The following SIPA1L2 variants were observed in gnomAD, a reference collection of about 807,000 sequenced individuals.
SIPA1L2 encodes signal-induced proliferation-associated 1-like protein 2.
SIPA1L2 carries 56 observed loss-of-function variants against 163.9 expected under a neutral mutation model. That is an observed-to-expected ratio of 0.34 (90% CI 0.28 to 0.43). SIPA1L2 has a LOEUF of 0.43. Ranked by LOEUF, SIPA1L2 falls within the 20% of genes least tolerant of loss-of-function variation. The probability of loss-of-function intolerance (pLI) is 1.00; values close to 1 mark genes in which losing one functional copy is unlikely to be tolerated. For missense variants in SIPA1L2, 1,974 were observed against 2,193.5 expected, an observed-to-expected ratio of 0.90 and a Z score of 2.00; for synonymous variants, 877 against 865.7, an observed-to-expected ratio of 1.01 and a Z score of -0.23.
At position 232,415,519 on chromosome 1, in the gene SIPA1L2, G is replaced by A. The variant is rs202017607; in HGVS notation, c.4737C>T (p.Leu1579=). The A allele has an allele frequency of 7.4e-5, 120 of 1,612,410 alleles. No homozygotes were observed. Among genetic ancestry groups the A allele is most frequent in the Non-Finnish European group, 1.0e-4 (118 of 1,179,354 alleles). ...CTTCAAATGCCCGTGCAGCATCCAC[G>A]AGGTGGGTCCAATCTAACCCTGTGG... ...DTATGLDWTH[L]VDAARAFEGL... The change falls in exon 19 of 23, where the codon CTC becomes CTT. Residue 1579 remains leucine (L), a synonymous_variant. Transcript: ENST00000674635.
In SIPA1L2 at chr1:232,433,825, G is replaced by A. The variant is rs1013729390; in HGVS notation, c.4032-1354C>T. The stretch of plus-strand genomic sequence containing the variant: ...GCTTCACTTTCAGCAAACTTGACAC[G>A]TGAGTGCAATGCGAGGATTCCGGGT... On this transcript the variant is annotated intron_variant, in intron 15 of 22. Coordinates refer to ENST00000674635, the MANE Select transcript of SIPA1L2 (RefSeq NM_020808.5). Among the ~76,000 whole-genome samples the A allele has an allele frequency of 2.0e-5, 3 of 152,300 alleles. No individual in the cohort carries two copies. The South Asian group carries it at 6.2e-4, about 32-fold the overall frequency.
intron 1 of SIPA1L2, among the ~76,000 whole-genome samples, chr1:232,595,561 C>G (rs184807217): frequency 6.6e-6 from 1 of 152,270 alleles, no homozygotes; most frequent in Admixed American, 6.5e-5. Context: ...CCCCCCAGCA[C>G]ACTAATCTCA....
At position 232,514,908 on chromosome 1, in the gene SIPA1L2, G is replaced by A; in HGVS notation, c.432C>T (p.Ile144=). The A allele has an allele frequency of 6.2e-7, 1 of 1,614,168 alleles. No homozygotes were observed. The highest frequency in any genetic ancestry group is 2.2e-5 in the East Asian group (1 of 44,872). ...GTCCTCTTTGGGGGGAATGGACAAA[G>A]ATGTCTCCGATTGTGTACTTGGCCT... ...FVEAKYTIGD[I]FVHSPQRGLH... The change falls in exon 3 of 23, where the codon ATC becomes ATT. Residue 144 remains isoleucine, a synonymous_variant. Transcript: ENST00000674635.
intron 10 of SIPA1L2, among the ~76,000 whole-genome samples, chr1:232,458,864 T>C (rs1664072635): frequency 6.6e-6 from 1 of 152,216 alleles, no homozygotes; most frequent in Admixed American, 6.5e-5. Context: ...ATTTTTTATT[T>C]TCTTTGGACT....
chr1:232,479,790 A>G (rs1665232045), intron 6 of SIPA1L2, 60 bp from the exon 7 acceptor site: 1 of 1,455,960 alleles, frequency 6.9e-7, no homozygotes, highest in Non-Finnish European at 9.6e-7. Flanking sequence ...GTGCTTCGAT[A>G]TTTAAAAGGT....
intron 2 of SIPA1L2, among the ~76,000 whole-genome samples, chr1:232,560,927 T>C (rs1658999071): frequency 6.6e-6 from 1 of 152,252 alleles, no homozygotes. Context: ...TACAGTATCC[T>C]GAGCTAGAAC....
rs528050420 is a variant in SIPA1L2 at position 232,594,956 on chromosome 1, C to A, written c.-318-20734G>T. ...AATTAAACCAGAAGCTCTGCAGGGG[C>A]CCAGGCATCTGTTTTTGTTGTTGTT... On this transcript the variant is annotated intron_variant, in intron 1 of 22. Transcript: ENST00000674635. 2.0e-5 allele frequency among the ~76,000 whole-genome samples: 3 copies of A among 152,300 alleles called. No individual in the cohort carries two copies. In the South Asian group the frequency reaches 6.2e-4, roughly 32 times the overall value.
intron 18 of SIPA1L2, among the ~76,000 whole-genome samples, chr1:232,420,593 T>C (rs1025661532): frequency 6.6e-6 from 1 of 152,126 alleles, no homozygotes; most frequent in African/African-American, 2.4e-5. Context: ...CCCAGCACTT[T>C]GGGAGGCCGA....
At chr1:232,516,604 A>C (rs1667229676) in intron 2 of SIPA1L2, among the ~76,000 whole-genome samples, 1 of 151,946 alleles carries the variant, frequency 6.6e-6, no homozygotes. Context: ...CAGCTCTGAG[A>C]GTAGACGATA....
intron 2 of SIPA1L2, among the ~76,000 whole-genome samples, chr1:232,554,161 T>C (rs1658565615): frequency 6.6e-6 from 1 of 152,244 alleles, no homozygotes; most frequent in South Asian, 2.1e-4. Context: ...TTTAAATTTC[T>C]ATCTTCATCT....
At chr1:232,511,967 A>C (rs951237352) in intron 3 of SIPA1L2, among the ~76,000 whole-genome samples, 3 of 152,242 alleles carry the variant, frequency 2.0e-5, no homozygotes, top group African/African-American at 7.2e-5. Context: ...AAATTTTTGC[A>C]ATCTGTCCAT....
At chr1:232,556,300 G>T (rs1421090081) in intron 2 of SIPA1L2, among the ~76,000 whole-genome samples, 2 of 152,190 alleles carry the variant, frequency 1.3e-5, no homozygotes, top group African/African-American at 4.8e-5. Flanking sequence ...TGGCATGTCA[G>T]GTTTTCTGTT....
rs564373937 is a variant in SIPA1L2 at position 232,471,394 on chromosome 1, T to C, written c.2220A>G (p.Pro740=). The part of the protein sequence containing the change: ...HVFVIVKVHN[P]CTENVCYSVG... ...ACCTATAACACACATTTTCGGTACA[T>C]GGATTATGCACTTTGACTATGACAA... is the stretch of plus-strand genomic sequence containing the variant. Residue 740 remains proline (P), a synonymous_variant, in exon 8 of 23, where the codon CCA becomes CCG. Transcript: ENST00000674635. 25 of 1,613,900 alleles carry C rather than the reference T, an allele frequency of 1.5e-5. No individual in the cohort carries two copies. The South Asian group carries it at 2.1e-4, about 13-fold the overall frequency.
At chr1:232,485,540 T>C (rs1283021768) in intron 5 of SIPA1L2, among the ~76,000 whole-genome samples, 2 of 152,172 alleles carry the variant, frequency 1.3e-5, no homozygotes, top group Non-Finnish European at 2.9e-5. Flanking sequence ...AAAAAAATAT[T>C]AAGTACAATA....
intron 19 of SIPA1L2, among the ~76,000 whole-genome samples, chr1:232,413,601 G>A (rs1194130021): frequency 6.6e-6 from 1 of 152,174 alleles, no homozygotes; most frequent in African/African-American, 2.4e-5. Flanking sequence ...GGATAGTTCT[G>A]GGCTGTGTAA....
At chr1:232,592,670 C>G (rs987764230) in intron 1 of SIPA1L2, among the ~76,000 whole-genome samples, 1 of 152,024 alleles carries the variant, frequency 6.6e-6, no homozygotes, top group Non-Finnish European at 1.5e-5. Context: ...TTTTCTAGAA[C>G]TAAACAACAA....
chr1:232,597,474 G>C (rs1014613457), intron 1 of SIPA1L2, among the ~76,000 whole-genome samples: 1 of 150,008 alleles, frequency 6.7e-6, no homozygotes, highest in African/African-American at 2.5e-5. Flanking sequence ...TCAGGAGATC[G>C]AGACCATCCT....
At chr1:232,595,084 G>T (rs12740808) in intron 1 of SIPA1L2, among the ~76,000 whole-genome samples, 4 of 152,210 alleles carry the variant, frequency 2.6e-5, no homozygotes, top group Admixed American at 2.6e-4. Flanking sequence ...CTACACAACC[G>T]TGGCTAGCTG....
chr1:232,464,076 A>T (rs1314842774), intron 9 of SIPA1L2, among the ~76,000 whole-genome samples: 1 of 152,194 alleles, frequency 6.6e-6, no homozygotes, highest in African/African-American at 2.4e-5. Flanking sequence ...TCTTGGGGGA[A>T]GATTTACACA....
Sources: allele counts gnomAD v4.1 joint callset (sites outside exome capture counted in the v4.1 genomes callset), GRCh38; gene constraint gnomAD v4.1.1; transcripts MANE v1.5; gene names NCBI Gene and HGNC (gene_info 2026-07-23, HGNC 2026-07-21).